The following SLC22A16 variants were observed in gnomAD, a reference collection of about 807,000 sequenced individuals.
SLC22A16 encodes the protein WUGSC:RG331P03.1.
Under a neutral mutation model 52.9 loss-of-function variants are expected in SLC22A16, and 53 were observed. That is an observed-to-expected ratio of 1.00 (90% CI 0.80 to 1.26). The LOEUF is 1.26. Among genes scored for constraint, SLC22A16 ranks in the 50% most tolerant of loss-of-function variants. The pLI is 0.00. For missense variants in SLC22A16, 726 were observed against 704.0 expected, an observed-to-expected ratio of 1.03 and a Z score of -0.35; for synonymous variants, 291 against 268.8, an observed-to-expected ratio of 1.08 and a Z score of -0.81.
chr6:110,460,363 A>G (rs1274343342), intron 1 of SLC22A16, among the ~76,000 whole-genome samples: 1 of 152,212 alleles, frequency 6.6e-6, no homozygotes, highest in Non-Finnish European at 1.5e-5. Flanking sequence ...AGGAGGAAAG[A>G]GAGCCAAGGT....
At chr6:110,429,006 A>G (rs1774389901) in intron 7 of SLC22A16, among the ~76,000 whole-genome samples, 1 of 152,196 alleles carries the variant, frequency 6.6e-6, no homozygotes, top group Admixed American at 6.5e-5. Context: ...TCCTTAATTG[A>G]GCCTTACAGA....
intron 2 of SLC22A16, among the ~76,000 whole-genome samples, chr6:110,452,772 G>A (rs1367458306): frequency 2.0e-5 from 3 of 152,140 alleles, no homozygotes; most frequent in Non-Finnish European, 4.4e-5. Context: ...CAGGTTAAAG[G>A]CATTCTTCTA....
chr6:110,475,142 C>T (rs1776416028), intron 1 of SLC22A16: 2 of 376,778 alleles, frequency 5.3e-6, no homozygotes, highest in African/African-American at 2.1e-5. Flanking sequence ...CTTTTAACCT[C>T]TGTGCTATTC....
chr6:110,458,427 G>A (rs1775749728), intron 1 of SLC22A16, among the ~76,000 whole-genome samples: 1 of 152,126 alleles, frequency 6.6e-6, no homozygotes, highest in African/African-American at 2.4e-5. Context: ...CCACACATGG[G>A]GAGAAAAACC....
rs977703532 is a variant in SLC22A16 at position 110,424,817 on chromosome 6, T to C, written c.*56A>G. 1 of 1,598,152 alleles carries C rather than the reference T, an allele frequency of 6.3e-7. No individual in the cohort carries two copies. Among genetic ancestry groups the C allele is most frequent in the African/African-American group, 1.3e-5 (1 of 74,526 alleles). ...GGAGATGAGAATAAGATTCCTCTAATACAAAGGCATTAGGGTAAATAATAT... is the reference window on the plus strand; with the variant it reads ...GGAGATGAGAATAAGATTCCTCTAACACAAAGGCATTAGGGTAAATAATAT... On this transcript the variant is annotated 3_prime_UTR_variant, in exon 8 of 8. Coordinates refer to ENST00000368919, the MANE Select transcript of SLC22A16 (RefSeq NM_033125.4).
At chr6:110,438,538 A>G (rs943775064) in intron 5 of SLC22A16, among the ~76,000 whole-genome samples, 182 bp downstream of exon 5, 1 of 151,292 alleles carries the variant, frequency 6.6e-6, no homozygotes, top group Admixed American at 6.6e-5. Context: ...ATTTTCTAAA[A>G]TGAACATATA....
intron 3 of SLC22A16, among the ~76,000 whole-genome samples, chr6:110,444,215 G>A (rs1775082410): frequency 6.6e-6 from 1 of 152,162 alleles, no homozygotes; most frequent in South Asian, 2.1e-4. Context: ...TACAATATGT[G>A]ATTAGAATAT....
chr6:110,474,158 T>C (rs979945369), intron 1 of SLC22A16, among the ~76,000 whole-genome samples: 2 of 152,066 alleles, frequency 1.3e-5, no homozygotes, highest in Non-Finnish European at 2.9e-5. Context: ...GGTGAAACAG[T>C]TCCATCCTGA....
At chr6:110,432,831 C>T (rs1774560247) in intron 6 of SLC22A16, among the ~76,000 whole-genome samples, 1 of 152,068 alleles carries the variant, frequency 6.6e-6, no homozygotes, top group Non-Finnish European at 1.5e-5. Flanking sequence ...TCCACAAAGC[C>T]CTTACCCCAA....
At chr6:110,437,043 C>A (rs530879770) in intron 5 of SLC22A16, among the ~76,000 whole-genome samples, 1 of 152,140 alleles carries the variant, frequency 6.6e-6, no homozygotes, top group Non-Finnish European at 1.5e-5. Context: ...CAGCTAGGTA[C>A]AAATACATGG....
intron 1 of SLC22A16, among the ~76,000 whole-genome samples, chr6:110,466,659 T>C (rs534306929): frequency 6.6e-5 from 10 of 152,218 alleles, no homozygotes; most frequent in African/African-American, 2.4e-4. Flanking sequence ...AAAGGGAACA[T>C]TTATACACTG....
In SLC22A16 at chr6:110,449,115, G is replaced by A. The variant is rs1182650319; in HGVS notation, c.534-2125C>T. Reference sequence around the variant, plus strand: ...TTTCCTCAGCCAATGATGACCAGGTGCAACCAACTTTTCTGAGCTCATTTT... The same window carrying A: ...TTTCCTCAGCCAATGATGACCAGGTACAACCAACTTTTCTGAGCTCATTTT... On this transcript the variant is annotated intron_variant, in intron 2 of 7. Transcript: ENST00000368919. 3.3e-5 allele frequency among the ~76,000 whole-genome samples: 5 copies of A among 152,030 alleles called. No individual in the cohort carries two copies. The East Asian group carries it at 9.7e-4, about 29-fold the overall frequency.
intron 3 of SLC22A16, among the ~76,000 whole-genome samples, chr6:110,444,470 C>T (rs1199440542): frequency 1.3e-5 from 2 of 152,192 alleles, no homozygotes; most frequent in Admixed American, 1.3e-4. Flanking sequence ...ATGTTAATTT[C>T]TTCAAAAGTT....
intron 1 of SLC22A16, among the ~76,000 whole-genome samples, chr6:110,468,546 T>C (rs1009903998): frequency 6.6e-6 from 1 of 151,006 alleles, no homozygotes; most frequent in Admixed American, 6.6e-5. Flanking sequence ...CTAAGGAGGC[T>C]GAGACAGGAG....
chr6:110,426,118 C>A (rs1774247943), intron 7 of SLC22A16, among the ~76,000 whole-genome samples: 2 of 152,290 alleles, frequency 1.3e-5, no homozygotes, highest in South Asian at 2.1e-4. Flanking sequence ...TAACCTAATT[C>A]TTAGAAATAT....
intron 7 of SLC22A16, among the ~76,000 whole-genome samples, chr6:110,429,008 C>A (rs371852353): frequency 6.6e-6 from 1 of 152,210 alleles, no homozygotes; most frequent in African/African-American, 2.4e-5. Context: ...CTTAATTGAG[C>A]CTTACAGAAA....
intron 3 of SLC22A16, among the ~76,000 whole-genome samples, chr6:110,445,539 C>T (rs1482633167): frequency 6.6e-6 from 1 of 152,136 alleles, no homozygotes; most frequent in African/African-American, 2.4e-5. Flanking sequence ...CCTGCATCTC[C>T]CATCCACAGA....
intron 1 of SLC22A16, among the ~76,000 whole-genome samples, chr6:110,458,997 G>C (rs867686773): frequency 1.3e-5 from 2 of 152,044 alleles, no homozygotes; most frequent in Admixed American, 1.3e-4. Flanking sequence ...ATATGTGTGT[G>C]TGTGTATGTG....
chr6:110,427,872 C>T (rs1774331386), intron 7 of SLC22A16, among the ~76,000 whole-genome samples: 1 of 152,204 alleles, frequency 6.6e-6, no homozygotes, highest in Admixed American at 6.5e-5. Context: ...TTCCCCACTC[C>T]AGCCCTTCTC....
Sources: gnomAD v4.1 joint callset for allele counts (sites outside exome capture counted in the v4.1 genomes callset) on GRCh38, gnomAD v4.1.1 for gene constraint, MANE v1.5 for transcripts, NCBI Gene and HGNC (gene_info 2026-07-23, HGNC 2026-07-21) for gene names.